Variants in B3GAT2 observed in about 807,000 individuals in gnomAD.
B3GAT2 encodes galactosylgalactosylxylosylprotein 3-beta-glucuronosyltransferase 2.
A neutral mutation model predicts 27.8 loss-of-function variants in B3GAT2; 26 were observed. The observed-to-expected ratio is 0.93, with a 90% CI of 0.68 to 1.30. B3GAT2 has a LOEUF of 1.30. Ranked by LOEUF, B3GAT2 falls within the 50% of genes most tolerant of loss-of-function variation. The pLI is 0.00. For synonymous variants in B3GAT2, 218 were observed against 195.1 expected (o/e 1.12, Z -0.98); for missense variants, 458 against 459.0 (o/e 1.00, Z 0.02).
At chr6:70,922,379 A>G (rs1247680086) in intron 1 of B3GAT2, among the ~76,000 whole-genome samples, 1 of 152,222 alleles carries the variant, frequency 6.6e-6, no homozygotes, top group Non-Finnish European at 1.5e-5. Flanking sequence ...ACTGTATCCA[A>G]CAATCGCAGA....
intron 1 of B3GAT2, among the ~76,000 whole-genome samples, chr6:70,915,820 T>C (rs1772764005): frequency 2.6e-5 from 4 of 152,194 alleles, no homozygotes; most frequent in Non-Finnish European, 1.5e-5. Context: ...GTAGTGTAGT[T>C]TGAAGTCAGG....
Position 70,894,209 on chromosome 6 carries a change from G to A in B3GAT2, c.655C>T (p.Arg219Cys), listed in dbSNP as rs779074725. The A allele has an allele frequency of 6.8e-6, 11 of 1,613,780 alleles. No homozygotes were observed. Among genetic ancestry groups the A allele is most frequent in the South Asian group, 6.6e-5 (6 of 91,024 alleles). Residue 219 changes from arginine to cysteine, a missense_variant, in exon 2 of 4, where the codon CGT becomes TGT. Physicochemically the swap from Arg to Cys is radical, Grantham distance 180. Coordinates refer to ENST00000230053, the MANE Select transcript of B3GAT2 (RefSeq NM_080742.3). ...VGLVGGRRYE[R>C]PLVENGKVVG... ...ACTTTGCCGTTTTCCACCAGCGGAC[G>A]TTCGTAGCGCCGCCCACCAACCAGG...
chr6:70,935,932 G>A (rs1224210029), intron 1 of B3GAT2, among the ~76,000 whole-genome samples: 6 of 150,804 alleles, frequency 4.0e-5, no homozygotes, highest in Non-Finnish European at 8.8e-5. Context: ...TGGACTAAAT[G>A]CTCCAATTAA....
intron 1 of B3GAT2, among the ~76,000 whole-genome samples, chr6:70,897,723 T>G (rs1772414770): frequency 1.3e-5 from 2 of 151,664 alleles, no homozygotes; most frequent in Admixed American, 1.3e-4. Flanking sequence ...GGTTTTCTCC[T>G]CCTTTCTACA....
chr6:70,873,642 T>G (rs1384823893), intron 2 of B3GAT2, among the ~76,000 whole-genome samples: 1 of 152,108 alleles, frequency 6.6e-6, no homozygotes, highest in Non-Finnish European at 1.5e-5. Context: ...TTTCAAATAT[T>G]CTTTTTGTCC....
At position 70,956,751 on chromosome 6, in the gene B3GAT2, G is replaced by A; in HGVS notation, c.-322C>T. On this transcript the variant is annotated 5_prime_UTR_variant, in exon 1 of 4. Transcript: ENST00000230053. ...CGGAGTTGTGCCGAGTGCGGGAAAG[G>A]CGCTGATCCCCACCGCGCTCTTTCT... The A allele has an allele frequency of 8.0e-7, 1 of 1,254,422 alleles. No homozygotes were observed. The highest frequency in any genetic ancestry group is 1.0e-6 in the Non-Finnish European group (1 of 996,014). The allele number at this position is 1,254,422 out of a possible 1,614,324, so 77.7% of individuals were successfully genotyped here.
chr6:70,887,223 C>T (rs993625661), intron 2 of B3GAT2, among the ~76,000 whole-genome samples: 25 of 152,106 alleles, frequency 1.6e-4, no homozygotes, highest in African/African-American at 5.3e-4. Context: ...TCATCTGATC[C>T]GGGCTGGGCT....
rs1196377107 is a variant in B3GAT2 at position 70,857,616 on chromosome 6, A to AAAAC, written c.*4043_*4046dup. 3 of 318,598 alleles carry AAAAC rather than the reference A, an allele frequency of 9.4e-6. No homozygotes were observed. Among genetic ancestry groups the AAAAC allele is most frequent in the Non-Finnish European group, 1.8e-5 (3 of 170,954 alleles). 19.7% of individuals were successfully genotyped at this position (318,598 alleles called of 1,614,324 possible). On this transcript the variant is annotated 3_prime_UTR_variant, in exon 4 of 4. Transcript: ENST00000230053. Reference sequence around the variant, plus strand: ...GGGACCAGTGGTACAAATCAGCAATAAAACAGTGTATGATGTCATGCTACA... The same window carrying AAAAC: ...GGGACCAGTGGTACAAATCAGCAATAAAACAAACAGTGTATGATGTCATGCTACA...
At position 70,941,185 on chromosome 6, in the gene B3GAT2, C is replaced by A. The variant is rs144783603; in HGVS notation, c.591+14654G>T. On this transcript the variant is annotated intron_variant, in intron 1 of 3. Coordinates refer to ENST00000230053, the MANE Select transcript of B3GAT2 (RefSeq NM_080742.3). ...AAGTCAAGTGCCTTTACCTCCTCCT[C>A]CCCCTAGGCCTCTAGAAACATAGTC... 3.6e-3 allele frequency among the ~76,000 whole-genome samples: 544 copies of A among 152,212 alleles called. 6 individuals are homozygous for A. Among genetic ancestry groups the A allele is most frequent in the African/African-American group, 0.012 (514 of 41,532 alleles).
At chr6:70,901,613 G>C (rs1450556281) in intron 1 of B3GAT2, among the ~76,000 whole-genome samples, 2 of 152,216 alleles carry the variant, frequency 1.3e-5, no homozygotes, top group Admixed American at 1.3e-4. Flanking sequence ...AAGTGGCGTA[G>C]AGTGGCTGTG....
intron 1 of B3GAT2, among the ~76,000 whole-genome samples, chr6:70,904,832 T>G (rs1772571112): frequency 6.6e-6 from 1 of 152,162 alleles, no homozygotes; most frequent in Non-Finnish European, 1.5e-5. Context: ...GTATCACCCC[T>G]GGGGTTACTT....
Position 70,860,095 on chromosome 6 carries a change from G to T in B3GAT2, c.*1568C>A. ...TACTCTGTTTTTATTCCAGTGCTTG[G>T]ACTAGTTGTCACATTAATGAAAAAA... On this transcript the variant is annotated 3_prime_UTR_variant, in exon 4 of 4. Transcript: ENST00000230053. 7.8e-7 allele frequency: 1 copy of T among 1,289,812 alleles called. No homozygotes were observed. The highest frequency in any genetic ancestry group is 1.1e-6 in the Non-Finnish European group (1 of 947,702). 79.9% of individuals were successfully genotyped at this position (1,289,812 alleles called of 1,614,324 possible). A position where few individuals can be genotyped will look rare whatever the true frequency, so the allele number is the denominator to read the frequency against.
Position 70,950,207 on chromosome 6 carries a change from T to TAATAA in B3GAT2, c.591+5627_591+5631dup, listed in dbSNP as rs1008645837. On this transcript the variant is annotated intron_variant, in intron 1 of 3. Transcript: ENST00000230053. ...TACCCTAAAACTTAAAGTATAATAA[T>TAATAA]AATAAAATAAAATAAAATAAAGAAA... Among the ~76,000 whole-genome samples, 4 of 146,584 alleles carry TAATAA rather than the reference T, an allele frequency of 2.7e-5. No homozygotes were observed. The East Asian group carries it at 5.9e-4, about 22-fold the overall frequency.
intron 2 of B3GAT2, among the ~76,000 whole-genome samples, chr6:70,868,630 T>A (rs1161855357): frequency 6.6e-6 from 1 of 152,218 alleles, no homozygotes; most frequent in African/African-American, 2.4e-5. Context: ...TGTGTAATAA[T>A]CACTCTGGGT....
At chr6:70,912,641 TATCA>T (rs1772706635) in intron 1 of B3GAT2, among the ~76,000 whole-genome samples, 1 of 42,150 alleles carries the variant, frequency 2.4e-5, no homozygotes, top group East Asian at 1.8e-3. Flanking sequence ...GCTGGCCTTA[TATCA>T]GGATGATGCT....
At chr6:70,943,063 A>G (rs2150050133) in intron 1 of B3GAT2, among the ~76,000 whole-genome samples, 1 of 152,236 alleles carries the variant, frequency 6.6e-6, no homozygotes, top group African/African-American at 2.4e-5. Flanking sequence ...AAAAGTAAAC[A>G]AACTACTGCG....
At chr6:70,881,552 G>C (rs1426534709) in intron 2 of B3GAT2, among the ~76,000 whole-genome samples, 1 of 152,176 alleles carries the variant, frequency 6.6e-6, no homozygotes, top group Non-Finnish European at 1.5e-5. Flanking sequence ...GAGTTACTCA[G>C]GGAAACTCAA....
intron 1 of B3GAT2, among the ~76,000 whole-genome samples, chr6:70,937,699 A>C (rs1765315652): frequency 6.6e-6 from 1 of 152,000 alleles, no homozygotes; most frequent in African/African-American, 2.4e-5. Context: ...ACAAAATTCA[A>C]CAACGCTTCA....
At position 70,860,396 on chromosome 6, in the gene B3GAT2, G is replaced by T; in HGVS notation, c.*1267C>A. The T allele has an allele frequency of 1.3e-6, 2 of 1,548,698 alleles. No individual in the cohort carries two copies. The highest frequency in any genetic ancestry group is 4.1e-5 in the Admixed American group (2 of 48,470). ...GACATTCCTTGCTGAAACGCATCTA[G>T]TTCCCCTGTTTATTCATATGCATAT... is the stretch of plus-strand genomic sequence containing the variant. On this transcript the variant is annotated 3_prime_UTR_variant, in exon 4 of 4. Transcript: ENST00000230053.
Sources: gnomAD v4.1 joint callset for allele counts (sites outside exome capture counted in the v4.1 genomes callset) on GRCh38, gnomAD v4.1.1 for gene constraint, MANE v1.5 for transcripts, NCBI Gene and HGNC (gene_info 2026-07-23, HGNC 2026-07-21) for gene names.